The following CACNA1C variants were observed in gnomAD, a reference collection of about 807,000 sequenced individuals.
CACNA1C encodes calcium voltage-gated channel subunit alpha1 C, also known as voltage-dependent L-type calcium channel subunit alpha-1C.
In CACNA1C, 30 loss-of-function variants were observed where a neutral mutation model predicts 229.0. The ratio of observed to expected loss-of-function variants is 0.13; its 90% CI spans 0.10 to 0.18. The LOEUF is 0.18. Among genes scored for constraint, CACNA1C ranks in the 10% least tolerant of loss-of-function variants. The pLI is 1.00. For synonymous variants in CACNA1C, 1,114 were observed against 1,132.5 expected, an observed-to-expected ratio of 0.98 and a Z score of 0.33; for missense variants, 1,658 against 2,845.0, an observed-to-expected ratio of 0.58 and a Z score of 9.49.
intron 3 of CACNA1C, among the ~76,000 whole-genome samples, chr12:2,135,738 C>T (rs1220407118): frequency 1.4e-5 from 2 of 146,344 alleles, no homozygotes; most frequent in African/African-American, 5.3e-5. Flanking sequence ...TTTAAGTCTG[C>T]AGAAGTTACT....
chr12:2,018,577 G>A (rs959468171), intron 1 of CACNA1C, among the ~76,000 whole-genome samples: 1 of 152,186 alleles, frequency 6.6e-6, no homozygotes, highest in Non-Finnish European at 1.5e-5. Context: ...CTGTGGACGA[G>A]CGCTTCCTCC....
intron 31 of CACNA1C, 130 bp downstream of exon 31, chr12:2,648,637 GC>G (rs1464585289): frequency 1.3e-6 from 1 of 778,252 alleles, no homozygotes; most frequent in Non-Finnish European, 2.3e-6. Context: ...CACTGTGTCT[GC>G]CGTGTGCCTT....
At chr12:2,688,411 C>T in intron 45 of CACNA1C, 36 bp from the exon 46 acceptor site, 1 of 1,601,702 alleles carries the variant, frequency 6.2e-7, no homozygotes, top group African/African-American at 1.3e-5. Flanking sequence ...TGGGGTCGGC[C>T]ACTCCTATTA....
intron 42 of CACNA1C, 95 bp from the exon 43 acceptor site, chr12:2,682,455 C>G: frequency 6.9e-7 from 1 of 1,448,262 alleles, no homozygotes. Flanking sequence ...CGTGTGTACA[C>G]CTGCATGTGT....
intron 3 of CACNA1C, among the ~76,000 whole-genome samples, chr12:2,423,579 G>C (rs1454975623): frequency 6.6e-6 from 1 of 152,200 alleles, no homozygotes; most frequent in Non-Finnish European, 1.5e-5. Flanking sequence ...TGAGTTGATA[G>C]AGTGAGTGGT....
At chr12:2,478,359 G>A (rs1421975846) in intron 5 of CACNA1C, among the ~76,000 whole-genome samples, 1 of 152,194 alleles carries the variant, frequency 6.6e-6, no homozygotes, top group Admixed American at 6.5e-5. Flanking sequence ...AGGATGGCCA[G>A]CGTGCCCTAG....
chr12:2,305,467 C>A (rs2154478581), intron 3 of CACNA1C, among the ~76,000 whole-genome samples: 1 of 152,330 alleles, frequency 6.6e-6, no homozygotes, highest in East Asian at 1.9e-4. Flanking sequence ...TTTTCCCCAT[C>A]CTCATGTCCT....
At chr12:2,583,288 T>A (rs991685752) in intron 15 of CACNA1C, among the ~76,000 whole-genome samples, 1 of 152,184 alleles carries the variant, frequency 6.6e-6, no homozygotes, top group Non-Finnish European at 1.5e-5. Flanking sequence ...GGCCGCGGCG[T>A]CTGCTCAGAG....
chr12:2,623,897 A>G (rs2084793325), intron 29 of CACNA1C, among the ~76,000 whole-genome samples: 1 of 152,130 alleles, frequency 6.6e-6, no homozygotes, highest in Admixed American at 6.5e-5. Flanking sequence ...GCCGGAAGAG[A>G]AAGCAGAGAT....
intron 1 of CACNA1C, among the ~76,000 whole-genome samples, chr12:2,110,542 C>T (rs2081250762): frequency 6.6e-6 from 1 of 152,180 alleles, no homozygotes; most frequent in Non-Finnish European, 1.5e-5. Flanking sequence ...GATCTCTTTG[C>T]ATTGGGTGGT....
chr12:2,536,395 T>C (rs1302683378), intron 9 of CACNA1C, among the ~76,000 whole-genome samples: 1 of 152,178 alleles, frequency 6.6e-6, no homozygotes, highest in Non-Finnish European at 1.5e-5. Context: ...TCCTGGCCTC[T>C]CCGTGATGTG....
chr12:2,550,049 G>C lies in CACNA1C; in HGVS notation c.1481+16G>C. ...CCAGGCTGGCGTGAGTAGGCACGGC[G>C]AGCCCAGGGGCTGGGGCTTTTTCTG... On this transcript the variant is annotated intron_variant, in intron 10 of 46. Coordinates refer to ENST00000399655, the MANE Select transcript of CACNA1C (RefSeq NM_000719.7). 2 of 1,554,020 alleles carry C rather than the reference G, an allele frequency of 1.3e-6. No individual in the cohort carries two copies. The highest frequency in any genetic ancestry group is 1.8e-6 in the Non-Finnish European group (2 of 1,136,714).
rs576939791 is a variant in CACNA1C at position 2,488,344 on chromosome 12, A to G, written c.916+2082A>G. ...CCTGGATAGTCAGAAAATGGTGAGCATGGTAGACAAAGAAAGCATGGCACG... is the reference window on the plus strand; with the variant it reads ...CCTGGATAGTCAGAAAATGGTGAGCGTGGTAGACAAAGAAAGCATGGCACG... On this transcript the variant is annotated intron_variant, in intron 6 of 46. Transcript: ENST00000399655. The surrounding 1 kb of genome is among the most constrained non-coding windows in gnomAD (Gnocchi z 4.0). 8.5e-5 allele frequency among the ~76,000 whole-genome samples: 13 copies of G among 152,306 alleles called. No homozygotes were observed. Among genetic ancestry groups the G allele is most frequent in the Admixed American group, 1.3e-4 (2 of 15,302 alleles).
chr12:2,270,810 AC>A (rs1449425870), intron 3 of CACNA1C, among the ~76,000 whole-genome samples: 2 of 152,132 alleles, frequency 1.3e-5, no homozygotes, highest in African/African-American at 4.8e-5. Flanking sequence ...GTGAAGTCTT[AC>A]TCCACCTGCG....
Position 2,486,418 on chromosome 12 carries a change from C to A in CACNA1C, c.916+156C>A, listed in dbSNP as rs758500600. Among the ~76,000 whole-genome samples the A allele has an allele frequency of 6.6e-6, 1 of 152,200 alleles. No individual in the cohort carries two copies. The highest frequency in any genetic ancestry group is 1.5e-5 in the Non-Finnish European group (1 of 68,040). On this transcript the variant is annotated intron_variant, in intron 6 of 46. Coordinates refer to ENST00000399655, the MANE Select transcript of CACNA1C (RefSeq NM_000719.7). This position sits in a 1 kb window ranked among gnomAD's most constrained non-coding sequence, Gnocchi z 4.9. ...GCATGGTTAAGTGAGAGGCAGAGAC[C>A]CGTATCCTTTTTTTCTCAGTTCCAA... is the stretch of plus-strand genomic sequence containing the variant.
At chr12:2,681,551 C>G (rs2097146241) in intron 42 of CACNA1C, among the ~76,000 whole-genome samples, 2 of 152,202 alleles carry the variant, frequency 1.3e-5, no homozygotes, top group South Asian at 4.1e-4. Flanking sequence ...CCCAAAAGTG[C>G]TGCTGCCTGC....
intron 3 of CACNA1C, among the ~76,000 whole-genome samples, chr12:2,392,837 TGTTCATGGATGA>T (rs1424466003): frequency 6.6e-6 from 1 of 152,146 alleles, no homozygotes; most frequent in Non-Finnish European, 1.5e-5. Context: ...CACATGGATG[TGTTCATGGATGA>T]GTTCAGCAGA....
intron 3 of CACNA1C, among the ~76,000 whole-genome samples, chr12:2,234,339 C>T (rs898251306): frequency 3.3e-5 from 5 of 152,140 alleles, no homozygotes; most frequent in Non-Finnish European, 7.4e-5. Flanking sequence ...AATGGCTGAC[C>T]GATTGCCTGT....
At chr12:2,278,133 C>A (rs1298099829) in intron 3 of CACNA1C, among the ~76,000 whole-genome samples, 1 of 152,198 alleles carries the variant, frequency 6.6e-6, no homozygotes, top group Non-Finnish European at 1.5e-5. Flanking sequence ...CACCAAATAT[C>A]CAGATGTTTT....
Sources: allele counts gnomAD v4.1 joint callset (sites outside exome capture counted in the v4.1 genomes callset), GRCh38; gene constraint gnomAD v4.1.1; non-coding constraint Gnocchi (gnomAD v3.1); transcripts MANE v1.5; gene names NCBI Gene and HGNC (gene_info 2026-07-23, HGNC 2026-07-21).